XPO4: variants seen among roughly 807,000 people sequenced by gnomAD.
The protein encoded by XPO4 is exportin 4, also known as exportin-4.
Under a neutral mutation model 143.0 loss-of-function variants are expected in XPO4, and 39 were observed. That is an observed-to-expected ratio of 0.27 (90% CI 0.21 to 0.36). The LOEUF is 0.36. Among genes scored for constraint, XPO4 ranks in the 10% least tolerant of loss-of-function variants. XPO4 has a pLI of 1.00. For synonymous variants in XPO4, 439 were observed against 474.0 expected (o/e 0.93, Z 0.96); for missense variants, 907 against 1,348.0 (o/e 0.67, Z 5.12).
chr13:20,786,344 ATG>A (rs759775819), intron 22 of XPO4, among the ~76,000 whole-genome samples: 25 of 151,164 alleles, frequency 1.7e-4, no homozygotes, highest in Non-Finnish European at 3.2e-4. Context: ...TTACATATAT[ATG>A]TGTGTATATA....
intron 9 of XPO4, among the ~76,000 whole-genome samples, chr13:20,820,894 C>A (rs139772207): frequency 2.0e-5 from 3 of 152,284 alleles, no homozygotes; most frequent in East Asian, 1.9e-4. Flanking sequence ...TATCTACATT[C>A]TTTTTCCTCT....
At position 20,822,282 on chromosome 13, in the gene XPO4, C is replaced by G; in HGVS notation, c.848G>C (p.Arg283Pro). ...RVMELFFTVHRKIREDSDMAQ... is the reference protein window; with the variant it reads ...RVMELFFTVHPKIREDSDMAQ... The stretch of plus-strand genomic sequence containing the variant: ...CATATCTGAATCTTCTCTGATTTTT[C>G]GATGTACCTGTTAGAAAGAATTACT... Residue 283 changes from arginine (R) to proline (P), a missense_variant, in exon 8 of 23, where the codon CGA becomes CCA. Arg to Pro is a moderately radical substitution (Grantham distance 103, BLOSUM62 -2). Coordinates refer to ENST00000255305, the MANE Select transcript of XPO4 (RefSeq NM_022459.5). 6.2e-7 allele frequency: 1 copy of G among 1,611,636 alleles called. No homozygotes were observed. Among genetic ancestry groups the G allele is most frequent in the Non-Finnish European group, 8.5e-7 (1 of 1,178,818 alleles).
chr13:20,884,887 GA>G lies in XPO4; in HGVS notation c.70-16187del, dbSNP rs1230714863. Among the ~76,000 whole-genome samples the G allele has an allele frequency of 2.6e-5, 4 of 152,062 alleles. No homozygotes were observed. The East Asian group carries it at 7.7e-4, about 29-fold the overall frequency. On this transcript the variant is annotated intron_variant, in intron 1 of 22. Coordinates refer to ENST00000255305, the MANE Select transcript of XPO4 (RefSeq NM_022459.5). ...CAAGTAAAGATTAGTTTGAGAAAATGAAAAAAGACAATTAAAACTCTGGACA... is the reference window on the plus strand; with the variant it reads ...CAAGTAAAGATTAGTTTGAGAAAATGAAAAAGACAATTAAAACTCTGGACA...
chr13:20,788,042 GT>G (rs1394188239), intron 20 of XPO4, among the ~76,000 whole-genome samples: 1 of 141,760 alleles, frequency 7.1e-6, no homozygotes. Flanking sequence ...AGAGGTGACA[GT>G]TTTTTGTTTT....
Position 20,868,589 on chromosome 13 carries a change from T to C in XPO4, c.175+7A>G. The C allele has an allele frequency of 1.9e-6, 3 of 1,611,020 alleles. No individual in the cohort carries two copies. The highest frequency in any genetic ancestry group is 2.5e-6 in the Non-Finnish European group (3 of 1,178,850). On this transcript the variant is annotated splice_region_variant and intron_variant, in intron 2 of 22. Transcript: ENST00000255305. ...AAATATTTTATATTTTTTAAGTGAA[T>C]ACTTACCCAAAATATGCTTGCAAAC...
chr13:20,861,849 A>C (rs1310611906), intron 3 of XPO4, among the ~76,000 whole-genome samples: 4 of 136,564 alleles, frequency 2.9e-5, no homozygotes, highest in Non-Finnish European at 6.1e-5. Flanking sequence ...GCAGTGATGC[A>C]ATGATCTCGG....
intron 1 of XPO4, among the ~76,000 whole-genome samples, chr13:20,884,684 A>AT (rs1346077214): frequency 6.6e-6 from 1 of 151,900 alleles, no homozygotes. Flanking sequence ...AAATTCTGGG[A>AT]TTAGAGGCAT....
At chr13:20,868,488 T>C (rs1027638276) in intron 2 of XPO4, 108 bp downstream of exon 2, 2 of 1,409,194 alleles carry the variant, frequency 1.4e-6, no homozygotes, top group African/African-American at 2.9e-5. Flanking sequence ...TAATTGTAAC[T>C]ACACAAACCA....
At chr13:20,805,688 G>A (rs552328626) in intron 13 of XPO4, among the ~76,000 whole-genome samples, 7 of 152,248 alleles carry the variant, frequency 4.6e-5, no homozygotes, top group African/African-American at 1.4e-4. Context: ...CTAACATACT[G>A]CATAATTTAC....
At chr13:20,816,050 C>T (rs539695362) in intron 9 of XPO4, among the ~76,000 whole-genome samples, 4 of 152,182 alleles carry the variant, frequency 2.6e-5, no homozygotes, top group Non-Finnish European at 4.4e-5. Context: ...CATAATCGTT[C>T]ATTTCATTAT....
At chr13:20,873,302 G>A (rs2060319633) in intron 1 of XPO4, among the ~76,000 whole-genome samples, 1 of 152,082 alleles carries the variant, frequency 6.6e-6, no homozygotes, top group African/African-American at 2.4e-5. Flanking sequence ...GAACTCTAAA[G>A]ATTACTTACT....
At chr13:20,832,709 C>T (rs1460354921) in intron 6 of XPO4, among the ~76,000 whole-genome samples, 1 of 152,174 alleles carries the variant, frequency 6.6e-6, no homozygotes, top group African/African-American at 2.4e-5. Flanking sequence ...TGGCACAGCA[C>T]AGAACCAACA....
chr13:20,829,629 A>G (rs896904219), intron 6 of XPO4, among the ~76,000 whole-genome samples: 68 of 152,330 alleles, frequency 4.5e-4, no homozygotes, highest in African/African-American at 1.3e-3. Context: ...GTACAGAGGA[A>G]GAATACAGGT....
At chr13:20,851,071 T>C in intron 4 of XPO4, 9 of 985,384 alleles carry the variant, frequency 9.1e-6, no homozygotes, top group Non-Finnish European at 1.1e-5. Context: ...ACAGAGGTTT[T>C]AATCATCTTG....
chr13:20,866,082 T>A (rs941761118), intron 2 of XPO4: 1 of 985,306 alleles, frequency 1.0e-6, no homozygotes, highest in African/African-American at 1.7e-5. Context: ...CAGTTCTTGA[T>A]TATTTCTTTA....
intron 1 of XPO4, among the ~76,000 whole-genome samples, chr13:20,883,169 C>A (rs1160215725): frequency 6.6e-6 from 1 of 152,242 alleles, no homozygotes; most frequent in Non-Finnish European, 1.5e-5. Context: ...CCTCCCCAAG[C>A]CTCTGTCAAT....
At chr13:20,874,215 T>TA (rs2060330360) in intron 1 of XPO4, among the ~76,000 whole-genome samples, 1 of 152,116 alleles carries the variant, frequency 6.6e-6, no homozygotes, top group Admixed American at 6.5e-5. Flanking sequence ...ATAGGACCAT[T>TA]AAAAAACACG....
rs374394443 is a variant in XPO4 at position 20,811,378 on chromosome 13, C to T, written c.1174-1411G>A. On this transcript the variant is annotated intron_variant, in intron 9 of 22. Coordinates refer to ENST00000255305, the MANE Select transcript of XPO4 (RefSeq NM_022459.5). ...TCTTGGCTCACTACAGCGTCCGCTT[C>T]CTGGGTTCAAGCGATTCTCCTGCCT... 9.4e-4 allele frequency among the ~76,000 whole-genome samples: 142 copies of T among 150,630 alleles called. No homozygotes were observed. In the Middle Eastern group the frequency reaches 0.01, roughly 11 times the overall value.
intron 18 of XPO4, among the ~76,000 whole-genome samples, chr13:20,792,154 G>A (rs2059289711): frequency 6.6e-6 from 1 of 152,166 alleles, no homozygotes; most frequent in Non-Finnish European, 1.5e-5. Context: ...AAGCAGGTCG[G>A]ATACCACGTT....
Sources: allele counts gnomAD v4.1 joint callset (sites outside exome capture counted in the v4.1 genomes callset), GRCh38; gene constraint gnomAD v4.1.1; transcripts MANE v1.5; gene names NCBI Gene and HGNC (gene_info 2026-07-23, HGNC 2026-07-21).